The following ADCY7 variants were observed in gnomAD, a reference collection of about 807,000 sequenced individuals.
The protein encoded by ADCY7 is adenylate cyclase 7.
A neutral mutation model predicts 120.6 loss-of-function variants in ADCY7; 72 were observed. That is an observed-to-expected ratio of 0.60 (90% CI 0.49 to 0.73). The LOEUF (loss-of-function observed/expected upper bound fraction) is 0.73. Ranked by LOEUF, ADCY7 falls within the 30% of genes least tolerant of loss-of-function variation. ADCY7 has a pLI of 0.00. For missense variants in ADCY7, 1,227 were observed against 1,486.0 expected (o/e 0.83, Z 2.87); for synonymous variants, 661 against 628.0 (o/e 1.05, Z -0.78).
intron 24 of ADCY7, 192 bp downstream of exon 24, chr16:50,314,598 TTAA>T (rs2036690277): frequency 1.8e-6 from 1 of 552,030 alleles, no homozygotes; most frequent in Non-Finnish European, 3.2e-6. Flanking sequence ...ATTGAGAGTT[TTAA>T]TAATACGTAA....
chr16:50,250,600 C>T (rs2032730253), intron 1 of ADCY7, among the ~76,000 whole-genome samples: 2 of 147,000 alleles, frequency 1.4e-5, no homozygotes, highest in Non-Finnish European at 3.0e-5. Flanking sequence ...GAAACTCTGT[C>T]TCTATTTTTA....
At chr16:50,310,982 C>T (rs2036421074) in intron 19 of ADCY7, 102 bp downstream of exon 19, 3 of 1,222,022 alleles carry the variant, frequency 2.5e-6, no homozygotes, top group South Asian at 3.0e-5. Flanking sequence ...GGAGTGGGCA[C>T]CTTGCAGGGC....
rs1475295041 is a variant in ADCY7, at chr16:50,308,678, A to G, written c.1947A>G (p.Pro649=). The change falls in exon 17 of 26, where the codon CCA becomes CCG. Residue 649 remains proline (P), a synonymous_variant. Coordinates refer to ENST00000673801, the MANE Select transcript of ADCY7 (RefSeq NM_001114.5). Reference sequence around the variant, plus strand: ...CTGTTACCCCACAGAGGTGCTGCCCAGCTCGGGGGACGCTCTGCACTATCT... The same window carrying G: ...CTGTTACCCCACAGAGGTGCTGCCCGGCTCGGGGGACGCTCTGCACTATCT... ...CFATKFSRCC[P]ARGTLCTISE... is the part of the protein sequence containing the mutation. 2 of 1,612,714 alleles carry G rather than the reference A, an allele frequency of 1.2e-6. No homozygotes were observed. The highest frequency in any genetic ancestry group is 1.7e-4 in the Middle Eastern group (1 of 5,830).
intron 1 of ADCY7, among the ~76,000 whole-genome samples, chr16:50,254,078 A>G (rs1037704692): frequency 1.3e-5 from 2 of 152,158 alleles, no homozygotes; most frequent in African/African-American, 4.8e-5. Flanking sequence ...TCAAGACCAC[A>G]TGATCCTCAT....
At position 50,287,635 on chromosome 16, in the gene ADCY7, G is replaced by A. The variant is rs1052055666; in HGVS notation, c.-268-277G>A. On this transcript the variant is annotated intron_variant, in intron 1 of 25. Transcript: ENST00000673801. ...TTTGAGGCTGCAGTGAGCTATGATC[G>A]TGCCACTGCACTCCAGCCTGGGCAA... is the stretch of plus-strand genomic sequence containing the variant. 5.3e-5 allele frequency among the ~76,000 whole-genome samples: 8 copies of A among 149,932 alleles called. No individual in the cohort carries two copies. The South Asian group carries it at 6.4e-4, about 12-fold the overall frequency.
intron 1 of ADCY7, among the ~76,000 whole-genome samples, chr16:50,254,538 G>A (rs890138127): frequency 2.0e-5 from 3 of 152,134 alleles, no homozygotes; most frequent in Non-Finnish European, 4.4e-5. Flanking sequence ...ATAGCCACGC[G>A]AAAAAATACT....
intron 1 of ADCY7, among the ~76,000 whole-genome samples, chr16:50,256,791 ATAG>A (rs1213723596): frequency 6.6e-6 from 1 of 152,176 alleles, no homozygotes; most frequent in Non-Finnish European, 1.5e-5. Flanking sequence ...ATTATGGAAA[ATAG>A]TAGGAACCTC....
intron 1 of ADCY7, among the ~76,000 whole-genome samples, chr16:50,258,869 T>C (rs1403114626): frequency 6.6e-6 from 1 of 152,156 alleles, no homozygotes; most frequent in African/African-American, 2.4e-5. Context: ...GTGCTGGAAT[T>C]ACAAGCATGA....
In ADCY7 at chr16:50,301,116, C is replaced by T; in HGVS notation, c.1270C>T (p.Leu424=). Residue 424 remains leucine, a synonymous_variant, in exon 10 of 26, where the codon CTG becomes TTG. Coordinates refer to ENST00000673801, the MANE Select transcript of ADCY7 (RefSeq NM_001114.5). ...CATCACGGAGGCCACGCTAAAGCACCTGGACAAGGCGTACGAGGTGGAGGA... is the reference window on the plus strand; with the variant it reads ...CATCACGGAGGCCACGCTAAAGCACTTGGACAAGGCGTACGAGGTGGAGGA... The part of the protein sequence containing the change: ...VHITEATLKH[L]DKAYEVEDGH... 6.2e-7 allele frequency: 1 copy of T among 1,613,992 alleles called. No individual in the cohort carries two copies. The highest frequency in any genetic ancestry group is 8.5e-7 in the Non-Finnish European group (1 of 1,179,956).
rs2036261047 is a variant in ADCY7 at position 50,308,885 on chromosome 16, T to C, written c.2061+93T>C. ...ATGTGGCCTTAAAAGCTGCCTCTGG[T>C]TGTCCTCTCCCCCGAGCTCAGCAGG... On this transcript the variant is annotated intron_variant, in intron 17 of 25. Transcript: ENST00000673801. 4 of 1,459,856 alleles carry C rather than the reference T, an allele frequency of 2.7e-6. No individual in the cohort carries two copies. In the African/African-American group the frequency reaches 5.6e-5, roughly 21 times the overall value. 90.4% of individuals were successfully genotyped at this position (1,459,856 alleles called of 1,614,324 possible). A position where few individuals can be genotyped will look rare whatever the true frequency, so the allele number is the denominator to read the frequency against.
intron 14 of ADCY7, among the ~76,000 whole-genome samples, chr16:50,306,141 T>C (rs1428074355): frequency 6.6e-6 from 1 of 152,256 alleles, no homozygotes; most frequent in Non-Finnish European, 1.5e-5. Flanking sequence ...GATCCTGGCA[T>C]GGATGCCTCA....
intron 1 of ADCY7, among the ~76,000 whole-genome samples, chr16:50,275,609 T>C (rs2033839167): frequency 6.6e-6 from 1 of 152,208 alleles, no homozygotes; most frequent in Non-Finnish European, 1.5e-5. Flanking sequence ...ATGGGGGATC[T>C]TTAAATGGGG....
chr16:50,304,781 A>G (rs1302324120), intron 11 of ADCY7, 144 bp from the exon 12 acceptor site: 31 of 1,171,312 alleles, frequency 2.6e-5, no homozygotes, highest in Non-Finnish European at 3.7e-5. Context: ...ACGCTCAGCT[A>G]TAGTCAGGAT....
rs1414559411 is a variant in ADCY7 at position 50,316,812 on chromosome 16, G to C, written c.*1307G>C. 1 of 152,370 alleles carries C rather than the reference G, an allele frequency of 6.6e-6. No individual in the cohort carries two copies. The highest frequency in any genetic ancestry group is 1.5e-5 in the Non-Finnish European group (1 of 68,050). The allele number at this position is 152,370 out of a possible 1,614,324, so 9.4% of individuals were successfully genotyped here. A position where few individuals can be genotyped will look rare whatever the true frequency, so the allele number is the denominator to read the frequency against. On this transcript the variant is annotated 3_prime_UTR_variant, in exon 26 of 26. Transcript: ENST00000673801. The stretch of plus-strand genomic sequence containing the variant: ...TTCTGAATGGACTTCATAACCGGAA[G>C]ACTTAACCGGTGGCCTCATCACCAG...
In ADCY7 at chr16:50,294,737, G is replaced by A. The variant is rs761483130; in HGVS notation, c.934G>A (p.Asp312Asn). ...GCTGAATGAGCTCTTTGGCAAGTTC[G>A]ACCAGATCGCCAAGGTGAGCCCGCT... is the stretch of plus-strand genomic sequence containing the variant. The part of the protein sequence containing the change: ...VVLNELFGKF[D>N]QIAKANECMR... Residue 312 changes from aspartate (D) to asparagine (N), a missense_variant, in exon 7 of 26, where the codon GAC (aspartate) becomes AAC (asparagine). Physicochemically the swap from Asp to Asn is conservative, Grantham distance 23 (BLOSUM62 1). Coordinates refer to ENST00000673801, the MANE Select transcript of ADCY7 (RefSeq NM_001114.5). The A allele has an allele frequency of 7.4e-6, 12 of 1,613,100 alleles. No individual in the cohort carries two copies. The East Asian group carries it at 2.0e-4, about 27-fold the overall frequency.
rs1596973050 is a variant in ADCY7 at position 50,307,030 on chromosome 16, A to G, written c.1753-20A>G. The G allele has an allele frequency of 6.3e-7, 1 of 1,599,504 alleles. No individual in the cohort carries two copies. The highest frequency in any genetic ancestry group is 8.5e-7 in the Non-Finnish European group (1 of 1,175,762). On this transcript the variant is annotated intron_variant, in intron 14 of 25. Transcript: ENST00000673801. ...GTGGCACTGCTGGTGGCCACCCCTC[A>G]CAGTCCCTGCTGCCCCCAGTACCGC...
intron 1 of ADCY7, among the ~76,000 whole-genome samples, chr16:50,279,196 A>G (rs1486512916): frequency 6.6e-6 from 1 of 152,108 alleles, no homozygotes; most frequent in African/African-American, 2.4e-5. Context: ...TGTACCTCCC[A>G]GCCCCATTCA....
chr16:50,313,390 C>A, intron 22 of ADCY7: 1 of 245,316 alleles, frequency 4.1e-6, no homozygotes, highest in Non-Finnish European at 8.1e-6. Flanking sequence ...GCACTACAGC[C>A]TGGGCAACAG....
exon 1 of ADCY7, chr16:50,246,148 G>C (rs1224591979): frequency 1.3e-5 from 2 of 149,498 alleles, no homozygotes; most frequent in East Asian, 3.9e-4. Context: ...TGCCGGGCCA[G>C]CCCGCTGCCA....
Sources: allele counts gnomAD v4.1 joint callset (sites outside exome capture counted in the v4.1 genomes callset), GRCh38; gene constraint gnomAD v4.1.1; transcripts MANE v1.5; gene names NCBI Gene and HGNC (gene_info 2026-07-23, HGNC 2026-07-21).